CDH9: variants seen among roughly 807,000 people sequenced by gnomAD.
CDH9 encodes cadherin-9.
In CDH9, 28 loss-of-function variants were observed where a neutral mutation model predicts 70.9. The ratio of observed to expected loss-of-function variants is 0.40; its 90% confidence interval spans 0.29 to 0.54. The LOEUF is 0.54. Among genes scored for constraint, CDH9 ranks in the 20% least tolerant of loss-of-function variants. The pLI, the probability that CDH9 is intolerant of heterozygous loss-of-function variation, is 0.59. For synonymous variants in CDH9, 409 were observed against 343.1 expected (o/e 1.19, Z -2.12); for missense variants, 874 against 984.4 (o/e 0.89, Z 1.50).
In CDH9 at chr5:27,031,678, A is replaced by G. The variant is rs969338425; in HGVS notation, c.-50+6785T>C. Among the ~76,000 whole-genome samples the G allele has an allele frequency of 3.9e-5, 6 of 151,932 alleles. No individual in the cohort carries two copies. The South Asian group carries it at 8.3e-4, about 21-fold the overall frequency. ...CCCAAAGCCAATGCTTTATCTGTCA[A>G]CTAGCAAACTTGCATGCCTAATAGG... On this transcript the variant is annotated intron_variant, in intron 1 of 11. Transcript: ENST00000231021.
At chr5:26,884,679 G>T (rs954445715) in intron 11 of CDH9, among the ~76,000 whole-genome samples, 1 of 152,082 alleles carries the variant, frequency 6.6e-6, no homozygotes, top group Non-Finnish European at 1.5e-5. Flanking sequence ...CTGGCCAAAG[G>T]GATTTCATCC....
At chr5:27,035,668 C>T (rs1370098254) in intron 1 of CDH9, among the ~76,000 whole-genome samples, 3 of 142,656 alleles carry the variant, frequency 2.1e-5, no homozygotes, top group African/African-American at 8.0e-5. Context: ...GTTAATATTG[C>T]TATTGACGTG....
At chr5:26,948,929 G>A (rs553849375) in intron 2 of CDH9, among the ~76,000 whole-genome samples, 6 of 152,084 alleles carry the variant, frequency 3.9e-5, no homozygotes, top group African/African-American at 1.4e-4. Context: ...GTGGGAGAAC[G>A]CTATTAACCA....
chr5:26,924,858 C>T (rs1741309551), intron 2 of CDH9, among the ~76,000 whole-genome samples: 1 of 2,430 alleles, frequency 4.1e-4, no homozygotes, highest in African/African-American at 1.8e-3. Context: ...CAGTTTCATT[C>T]ATGTCCCTGC....
chr5:26,938,440 G>A (rs1302988747), intron 2 of CDH9, among the ~76,000 whole-genome samples: 3 of 151,886 alleles, frequency 2.0e-5, no homozygotes, highest in Non-Finnish European at 2.9e-5. Context: ...AATGTAGGTG[G>A]AAATCTCAGG....
chr5:27,033,990 A>T (rs1212608793), intron 1 of CDH9, among the ~76,000 whole-genome samples: 1 of 151,382 alleles, frequency 6.6e-6, no homozygotes, highest in Non-Finnish European at 1.5e-5. Flanking sequence ...TATATGCTTT[A>T]TTTTTTTATA....
intron 1 of CDH9, among the ~76,000 whole-genome samples, chr5:27,025,683 C>A (rs900046723): frequency 1.3e-5 from 2 of 151,882 alleles, no homozygotes; most frequent in Non-Finnish European, 2.9e-5. Context: ...GGAAAATGTT[C>A]AAGATAAAAA....
At chr5:26,927,228 C>T (rs978854795) in intron 2 of CDH9, among the ~76,000 whole-genome samples, 13 of 151,598 alleles carry the variant, frequency 8.6e-5, no homozygotes, top group Non-Finnish European at 1.0e-4. Flanking sequence ...ACCCTAAAAA[C>T]GTAGGGATAG....
At chr5:26,954,675 C>T (rs936918375) in intron 2 of CDH9, among the ~76,000 whole-genome samples, 17 of 151,884 alleles carry the variant, frequency 1.1e-4, no homozygotes, top group African/African-American at 3.4e-4. Context: ...TGAGCCACCG[C>T]GCCCAGCTCT....
At chr5:26,892,882 C>T (rs1448048226) in intron 7 of CDH9, among the ~76,000 whole-genome samples, 1 of 152,066 alleles carries the variant, frequency 6.6e-6, no homozygotes, top group Non-Finnish European at 1.5e-5. Flanking sequence ...AGGCGCCCAC[C>T]ACCATGTCCG....
chr5:26,970,504 C>T (rs574703844), intron 2 of CDH9, among the ~76,000 whole-genome samples: 45 of 152,188 alleles, frequency 3.0e-4, no homozygotes, highest in African/African-American at 9.1e-4. Flanking sequence ...TCATGTATTG[C>T]ATAAATGTTT....
At chr5:26,969,423 C>T (rs1742180714) in intron 2 of CDH9, among the ~76,000 whole-genome samples, 1 of 151,968 alleles carries the variant, frequency 6.6e-6, no homozygotes, top group Non-Finnish European at 1.5e-5. Flanking sequence ...TTATTATTGT[C>T]ATTGTGAGTG....
At chr5:27,026,976 G>T (rs1743230633) in intron 1 of CDH9, among the ~76,000 whole-genome samples, 1 of 151,868 alleles carries the variant, frequency 6.6e-6, no homozygotes, top group Non-Finnish European at 1.5e-5. Flanking sequence ...CTTTACAGTT[G>T]TTAATGCAAT....
At chr5:26,893,279 A>G (rs991889827) in intron 7 of CDH9, among the ~76,000 whole-genome samples, 2 of 152,146 alleles carry the variant, frequency 1.3e-5, no homozygotes, top group Non-Finnish European at 2.9e-5. Flanking sequence ...AGTCATAGAT[A>G]CTGCTTCAAA....
intron 2 of CDH9, among the ~76,000 whole-genome samples, chr5:26,938,590 T>C (rs909870630): frequency 2.6e-5 from 4 of 152,126 alleles, no homozygotes; most frequent in Middle Eastern, 3.2e-3. Context: ...AAATTAATAA[T>C]ACACCTAACC....
intron 2 of CDH9, among the ~76,000 whole-genome samples, chr5:26,919,694 G>A (rs1200513345): frequency 1.3e-5 from 2 of 152,006 alleles, no homozygotes; most frequent in African/African-American, 2.4e-5. Flanking sequence ...AGGTGGGAGG[G>A]GAAAGAGGAT....
In CDH9 at chr5:26,970,733, T is replaced by C. The variant is rs917113761; in HGVS notation, c.228+17373A>G. ...CTGAATGTTTTTCCATATATTTACA[T>C]AGGCTAGACCTCATTTATTTTCTTA... On this transcript the variant is annotated intron_variant, in intron 2 of 11. Coordinates refer to ENST00000231021, the MANE Select transcript of CDH9 (RefSeq NM_016279.4). Among the ~76,000 whole-genome samples the C allele has an allele frequency of 5.9e-5, 9 of 151,538 alleles. No homozygotes were observed. In the East Asian group the frequency reaches 1.7e-3, roughly 29 times the overall value.
chr5:26,987,510 T>C (rs1452194778), intron 2 of CDH9, among the ~76,000 whole-genome samples: 1 of 152,008 alleles, frequency 6.6e-6, no homozygotes, highest in Admixed American at 6.6e-5. Flanking sequence ...TGAATCTGCT[T>C]CCTCAAAATT....
chr5:27,011,684 C>G (rs1475210239), intron 1 of CDH9, among the ~76,000 whole-genome samples: 1 of 151,952 alleles, frequency 6.6e-6, no homozygotes, highest in Non-Finnish European at 1.5e-5. Context: ...TTAACTATCA[C>G]AGATAAAGGT....
Sources: gnomAD v4.1 joint callset for allele counts (sites outside exome capture counted in the v4.1 genomes callset) on GRCh38, gnomAD v4.1.1 for gene constraint, MANE v1.5 for transcripts, NCBI Gene and HGNC (gene_info 2026-07-23, HGNC 2026-07-21) for gene names.